HOATZ: variants seen among roughly 807,000 people sequenced by gnomAD.
HOATZ encodes the protein cilia- and flagella-associated protein HOATZ.
In HOATZ, 26 loss-of-function variants were observed where a neutral mutation model predicts 24.9. The ratio of observed to expected loss-of-function variants is 1.04; its 90% CI spans 0.76 to 1.45. The LOEUF is 1.45. Ranked by LOEUF, HOATZ falls within the 40% of genes most tolerant of loss-of-function variation. The pLI, the probability that HOATZ is intolerant of heterozygous loss-of-function variation, is 0.00. For missense variants in HOATZ, 226 were observed against 201.5 expected, an observed-to-expected ratio of 1.12 and a Z score of -0.74; for synonymous variants, 83 against 76.6, an observed-to-expected ratio of 1.08 and a Z score of -0.43.
chr11:111,516,844 T>C (rs1867211059), intron 3 of HOATZ, among the ~76,000 whole-genome samples: 1 of 152,238 alleles, frequency 6.6e-6, no homozygotes, highest in Non-Finnish European at 1.5e-5. Flanking sequence ...TTAAACACAT[T>C]GGTGTAGTCA....
chr11:111,528,108 G>A (rs1867358346), intron 3 of HOATZ, among the ~76,000 whole-genome samples: 1 of 151,468 alleles, frequency 6.6e-6, no homozygotes, highest in Non-Finnish European at 1.5e-5. Flanking sequence ...ACTGGCTTGA[G>A]CCCAGGAGTT....
chr11:111,530,406 G>A (rs1867382019), intron 3 of HOATZ, among the ~76,000 whole-genome samples: 2 of 152,124 alleles, frequency 1.3e-5, no homozygotes, highest in African/African-American at 4.8e-5. Context: ...GCTCTGAAAA[G>A]CCAAAAAGAG....
At chr11:111,525,857 GCA>G (rs1185127937) in intron 3 of HOATZ, among the ~76,000 whole-genome samples, 1 of 152,216 alleles carries the variant, frequency 6.6e-6, no homozygotes, top group East Asian at 1.9e-4. Context: ...CTCACTGCCA[GCA>G]CAGTGTTCTT....
intron 3 of HOATZ, among the ~76,000 whole-genome samples, chr11:111,530,865 G>T (rs964306407): frequency 1.3e-5 from 2 of 152,094 alleles, no homozygotes. Flanking sequence ...TTGTTTAGAT[G>T]ACACAATTGT....
chr11:111,527,601 T>C (rs1284168585), intron 3 of HOATZ, among the ~76,000 whole-genome samples: 1 of 152,232 alleles, frequency 6.6e-6, no homozygotes, highest in African/African-American at 2.4e-5. Flanking sequence ...TTCTCACTGA[T>C]TATTCAGCCT....
chr11:111,515,112 A>G (rs1016100400), intron 1 of HOATZ, 102 bp downstream of exon 1: 9 of 757,054 alleles, frequency 1.2e-5, no homozygotes, highest in Non-Finnish European at 2.0e-5. Flanking sequence ...GTATATACAA[A>G]TAGTTATAAG....
intron 3 of HOATZ, among the ~76,000 whole-genome samples, chr11:111,533,495 G>A (rs1450413753): frequency 6.6e-6 from 1 of 151,816 alleles, no homozygotes; most frequent in Non-Finnish European, 1.5e-5. Flanking sequence ...GATCAATTAT[G>A]TAAAGCAGCA....
Position 111,514,932 on chromosome 11 carries a change from A to G in HOATZ, c.148A>G (p.Ser50Gly). Residue 50 changes from serine to glycine, a missense_variant, in exon 1 of 6, where the codon AGC (serine) becomes GGC (glycine). Coordinates refer to ENST00000375618, the MANE Select transcript of HOATZ (RefSeq NM_001100388.2). Reference sequence around the variant, plus strand: ...GATCTCGGCGTCGATGTATCCCCCTAGCGAATCTCAGCTGGTGCTGCGCAG... The same window carrying G: ...GATCTCGGCGTCGATGTATCCCCCTGGCGAATCTCAGCTGGTGCTGCGCAG... ...FWISASMYPPSESQLVLRRDS... is the reference protein window; with the variant it reads ...FWISASMYPPGESQLVLRRDS... 6.2e-7 allele frequency: 1 copy of G among 1,613,970 alleles called. No homozygotes were observed. The highest frequency in any genetic ancestry group is 8.5e-7 in the Non-Finnish European group (1 of 1,180,006).
intron 3 of HOATZ, among the ~76,000 whole-genome samples, chr11:111,523,286 T>C (rs761923733): frequency 6.7e-6 from 1 of 148,696 alleles, no homozygotes; most frequent in African/African-American, 2.5e-5. Context: ...TGCAAGAAGG[T>C]TGTGATGTGC....
At chr11:111,516,167 A>AT (rs1353460089) in intron 3 of HOATZ, 57 bp downstream of exon 3, 4 of 1,152,206 alleles carry the variant, frequency 3.5e-6, no homozygotes, top group Non-Finnish European at 5.0e-6. Context: ...AATAATCTTG[A>AT]TTTTTTAAAC....
intron 3 of HOATZ, among the ~76,000 whole-genome samples, chr11:111,522,624 C>T (rs568684426): frequency 5.3e-5 from 8 of 152,248 alleles, no homozygotes; most frequent in African/African-American, 1.9e-4. Context: ...CAGAGCCTGA[C>T]GATACAGTCA....
At chr11:111,527,757 A>G (rs1165508916) in intron 3 of HOATZ, among the ~76,000 whole-genome samples, 2 of 152,250 alleles carry the variant, frequency 1.3e-5, no homozygotes, top group African/African-American at 2.4e-5. Context: ...GTAAATTCAT[A>G]GAGTAAATTC....
rs930042850 is a variant in HOATZ, at chr11:111,515,200, T to G, written c.226+190T>G. 3 of 606,310 alleles carry G rather than the reference T, an allele frequency of 4.9e-6. No homozygotes were observed. In the African/African-American group the frequency reaches 5.6e-5, roughly 11 times the overall value. 37.6% of individuals were successfully genotyped at this position (606,310 alleles called of 1,614,324 possible). Reference sequence around the variant, plus strand: ...ACCCGAAAAGGATCAGTGGTATATATGTTACATCTAAAAACATATAAGTTT... The same window carrying G: ...ACCCGAAAAGGATCAGTGGTATATAGGTTACATCTAAAAACATATAAGTTT... On this transcript the variant is annotated intron_variant, in intron 1 of 5. Coordinates refer to ENST00000375618, the MANE Select transcript of HOATZ (RefSeq NM_001100388.2).
rs745563956 is a variant in HOATZ, at chr11:111,514,818, C to G, written c.34C>G (p.Arg12Gly). 3.1e-6 allele frequency: 5 copies of G among 1,613,986 alleles called. No homozygotes were observed. The highest frequency in any genetic ancestry group is 2.7e-5 in the African/African-American group (2 of 74,992). Residue 12 changes from arginine (R) to glycine (G), a missense_variant, in exon 1 of 6, where the codon CGA (arginine) becomes GGA (glycine). By Grantham distance (125) the Arg-to-Gly change is moderately radical (BLOSUM62 -2). Transcript: ENST00000375618. ...GGGACCCAGCGAAGAACCTAGCGGC[C>G]GAAAAGAGTCCCAGGAAATGTGCCC... is the stretch of plus-strand genomic sequence containing the variant. Reference protein sequence around the residue: ...ETGPSEEPSGRKESQEMCPPG... With the variant: ...ETGPSEEPSGGKESQEMCPPG...
intron 3 of HOATZ, chr11:111,519,001 C>T (rs1464201061): frequency 2.2e-6 from 1 of 455,974 alleles, no homozygotes; most frequent in Non-Finnish European, 4.4e-6. Flanking sequence ...TTCTCTCTTT[C>T]CTGCTAGATT....
chr11:111,529,158 C>G (rs1316572143), intron 3 of HOATZ, among the ~76,000 whole-genome samples: 1 of 151,744 alleles, frequency 6.6e-6, no homozygotes, highest in Non-Finnish European at 1.5e-5. Context: ...CCTTTTTTTT[C>G]CAAACCCATG....
At chr11:111,515,674 C>T (rs775160086) in intron 2 of HOATZ, 122 bp downstream of exon 2, 39 of 818,460 alleles carry the variant, frequency 4.8e-5, no homozygotes, top group Non-Finnish European at 7.3e-5. Context: ...CACCTAAGTC[C>T]CTGCTCAGGG....
intron 3 of HOATZ, among the ~76,000 whole-genome samples, chr11:111,528,418 C>T (rs1011141292): frequency 2.6e-5 from 4 of 152,174 alleles, no homozygotes; most frequent in Non-Finnish European, 5.9e-5. Context: ...AACCATAGAA[C>T]CTTGGCTCTG....
At chr11:111,515,959 C>T in intron 2 of HOATZ, 81 bp from the exon 3 acceptor site, 1 of 944,468 alleles carries the variant, frequency 1.1e-6, no homozygotes, top group East Asian at 2.6e-5. Context: ...TCCCTTTCAA[C>T]CCATGTCCAA....
Sources: allele counts gnomAD v4.1 joint callset (sites outside exome capture counted in the v4.1 genomes callset), GRCh38; gene constraint gnomAD v4.1.1; transcripts MANE v1.5; gene names NCBI Gene and HGNC (gene_info 2026-07-23, HGNC 2026-07-21).